Variants in FREM2 observed in about 807,000 individuals in gnomAD.
FREM2 encodes the protein FRAS1-related extracellular matrix protein 2.
A neutral mutation model predicts 219.9 loss-of-function variants in FREM2; 119 were observed. The ratio of observed to expected loss-of-function variants is 0.54; its 90% CI spans 0.47 to 0.63. The LOEUF (loss-of-function observed/expected upper bound fraction) is 0.63, where lower values mean the gene tolerates loss of function less well. Ranked by LOEUF, FREM2 falls within the 30% of genes least tolerant of loss-of-function variation. The probability of loss-of-function intolerance (pLI) is 0.00; values close to 1 mark genes in which losing one functional copy is unlikely to be tolerated. For synonymous variants in FREM2, 1,562 were observed against 1,522.8 expected, an observed-to-expected ratio of 1.03 and a Z score of -0.60; for missense variants, 4,030 against 3,993.6, an observed-to-expected ratio of 1.01 and a Z score of -0.25.
intron 6 of FREM2, among the ~76,000 whole-genome samples, chr13:38,845,328 T>A (rs1454584463): frequency 6.6e-6 from 1 of 152,170 alleles, no homozygotes; most frequent in Non-Finnish European, 1.5e-5. Flanking sequence ...TTTGCTTAAT[T>A]TGGTATGTGT....
chr13:38,780,259 C>G (rs766146781), intron 4 of FREM2, among the ~76,000 whole-genome samples: 4 of 152,160 alleles, frequency 2.6e-5, no homozygotes, highest in Non-Finnish European at 5.9e-5. Context: ...CACCTGTATA[C>G]CTAGCAATTT....
chr13:38,848,049 A>C (rs891132567), intron 7 of FREM2, among the ~76,000 whole-genome samples: 1 of 152,246 alleles, frequency 6.6e-6, no homozygotes, highest in Non-Finnish European at 1.5e-5. Context: ...GCAAAGATAC[A>C]TAAATACTTA....
chr13:38,705,055 A>G (rs1870485973), intron 2 of FREM2, among the ~76,000 whole-genome samples: 1 of 152,186 alleles, frequency 6.6e-6, no homozygotes, highest in Non-Finnish European at 1.5e-5. Context: ...ATCCCAAACT[A>G]AATCATTTTA....
At chr13:38,696,843 T>C (rs2442372) in intron 1 of FREM2, among the ~76,000 whole-genome samples, 2,448 of 150,942 alleles carry the variant, frequency 0.016, 68 homozygotes, top group African/African-American at 0.058. Context: ...GGTCTCATTC[T>C]CTTGCCCAGG....
At chr13:38,783,279 C>T in intron 5 of FREM2, 84 bp downstream of exon 5, 1 of 1,352,200 alleles carries the variant, frequency 7.4e-7, no homozygotes, top group East Asian at 2.3e-5. Context: ...TAACATTTTA[C>T]CATGAGGGGT....
In FREM2 at chr13:38,692,430, C is replaced by G; in HGVS notation, c.5086C>G (p.Leu1696Val). ...VEDRDSLHIS[L>V]RFIVTEAPQH... is the part of the protein sequence containing the mutation. ...GGACAGAGACAGCTTACACATTTCTCTTAGATTTATCGTGACAGAGGCCCC... is the reference window on the plus strand; with the variant it reads ...GGACAGAGACAGCTTACACATTTCTGTTAGATTTATCGTGACAGAGGCCCC... Residue 1696 changes from leucine to valine, a missense_variant, in exon 1 of 24, where the codon CTT becomes GTT. Leu to Val is a conservative substitution (Grantham distance 32, BLOSUM62 1). Transcript: ENST00000280481. The G allele has an allele frequency of 1.2e-6, 2 of 1,613,852 alleles. No homozygotes were observed. Among genetic ancestry groups the G allele is most frequent in the Non-Finnish European group, 1.7e-6 (2 of 1,179,928 alleles).
intron 14 of FREM2, among the ~76,000 whole-genome samples, chr13:38,861,111 TTATATTTAAA>T (rs979832393): frequency 6.6e-6 from 1 of 152,206 alleles, no homozygotes; most frequent in Admixed American, 6.5e-5. Context: ...TGTTCATACT[TTATATTTAAA>T]TGATTTTGTG....
intron 2 of FREM2, among the ~76,000 whole-genome samples, chr13:38,745,541 G>T (rs931347485): frequency 3.9e-5 from 6 of 152,116 alleles, no homozygotes; most frequent in Non-Finnish European, 7.4e-5. Flanking sequence ...TTCCTATATG[G>T]TTTTGTCTTT....
chr13:38,800,477 T>A (rs909140875), intron 6 of FREM2, among the ~76,000 whole-genome samples: 4 of 152,158 alleles, frequency 2.6e-5, no homozygotes, highest in African/African-American at 9.7e-5. Flanking sequence ...CTTTCTGGTT[T>A]TAGGATCCTT....
rs753244430 is a variant in FREM2, at chr13:38,877,146, C to G, written c.8574C>G (p.Ser2858Arg). 1.9e-6 allele frequency: 3 copies of G among 1,614,100 alleles called. No individual in the cohort carries two copies. The South Asian group carries it at 3.3e-5, about 18-fold the overall frequency. Residue 2858 changes from serine to arginine, a missense_variant, in exon 21 of 24, where the codon AGC becomes AGG. This residue lies in a region of FREM2 where 928 missense variants were observed against 1,042.9 expected (regional missense o/e 0.89). Coordinates refer to ENST00000280481, the MANE Select transcript of FREM2 (RefSeq NM_207361.6). ...GTGATCCAGTGGCTGCTGAGTTTAG[C>G]TTGAACACCCAAATGTACCTGCTCT... ...QVSDPVAAEF[S>R]LNTQMYLLSK...
At chr13:38,855,141 T>TG (rs905157166) in intron 11 of FREM2, among the ~76,000 whole-genome samples, 1 of 152,104 alleles carries the variant, frequency 6.6e-6, no homozygotes, top group Non-Finnish European at 1.5e-5. Flanking sequence ...AATTCTGATT[T>TG]TTTTTTTAGG....
intron 6 of FREM2, among the ~76,000 whole-genome samples, chr13:38,825,212 T>C (rs1221518498): frequency 6.6e-6 from 1 of 152,080 alleles, no homozygotes; most frequent in Non-Finnish European, 1.5e-5. Context: ...ACTTCTAGAC[T>C]AAGAACTCTT....
At chr13:38,725,728 G>A (rs1320464451) in intron 2 of FREM2, among the ~76,000 whole-genome samples, 1 of 152,156 alleles carries the variant, frequency 6.6e-6, no homozygotes, top group Non-Finnish European at 1.5e-5. Context: ...TTCAAGCAAG[G>A]GAAGGATATA....
intron 2 of FREM2, among the ~76,000 whole-genome samples, chr13:38,737,973 C>T (rs1424903367): frequency 2.6e-5 from 4 of 151,956 alleles, no homozygotes; most frequent in African/African-American, 9.7e-5. Flanking sequence ...GCAGATACAC[C>T]AGGTAGAAAG....
At chr13:38,808,996 T>C (rs1191250428) in intron 6 of FREM2, among the ~76,000 whole-genome samples, 1 of 151,952 alleles carries the variant, frequency 6.6e-6, no homozygotes, top group Non-Finnish European at 1.5e-5. Flanking sequence ...TTTCTCCATC[T>C]CTTCTCCATC....
At chr13:38,849,544 T>G (rs775098023) in intron 8 of FREM2, among the ~76,000 whole-genome samples, 4 of 152,212 alleles carry the variant, frequency 2.6e-5, no homozygotes, top group Non-Finnish European at 5.9e-5. Flanking sequence ...CACTCTTCAA[T>G]CATGATGATT....
intron 1 of FREM2, among the ~76,000 whole-genome samples, chr13:38,697,090 G>A (rs962714808): frequency 3.3e-5 from 5 of 152,076 alleles, no homozygotes; most frequent in African/African-American, 9.7e-5. Flanking sequence ...ATGAGCCACC[G>A]TGTCCAGCCC....
intron 2 of FREM2, among the ~76,000 whole-genome samples, chr13:38,752,158 T>C (rs571809681): frequency 6.6e-6 from 1 of 152,296 alleles, no homozygotes; most frequent in East Asian, 1.9e-4. Flanking sequence ...CCTCTCTTTG[T>C]CCCTGTCTCT....
chr13:38,846,314 T>C lies in FREM2; in HGVS notation c.6020-259T>C, dbSNP rs9532290. 0.19 allele frequency among the ~76,000 whole-genome samples: 29,455 copies of C among 151,998 alleles called. 3,552 individuals are homozygous for C. The highest frequency in any genetic ancestry group is 0.32 in the African/African-American group (13,259 of 41,432). On this transcript the variant is annotated intron_variant, in intron 6 of 23. Coordinates refer to ENST00000280481, the MANE Select transcript of FREM2 (RefSeq NM_207361.6). Reference sequence around the variant, plus strand: ...TTTAGAAGCCACTTATAATCCCACATATGAAGCACAAACAAACTTATGCCT... The same window carrying C: ...TTTAGAAGCCACTTATAATCCCACACATGAAGCACAAACAAACTTATGCCT...
Sources: gnomAD v4.1 joint callset for allele counts (sites outside exome capture counted in the v4.1 genomes callset) on GRCh38, gnomAD v4.1.1 for gene constraint, gnomAD v4.1.1 regional missense constraint, MANE v1.5 for transcripts, NCBI Gene and HGNC (gene_info 2026-07-23, HGNC 2026-07-21) for gene names.